SLC24A3: variants seen among roughly 807,000 people sequenced by gnomAD.
SLC24A3 encodes solute carrier family 24 member 3, also known as sodium/potassium/calcium exchanger 3.
SLC24A3 carries 28 observed loss-of-function variants against 75.8 expected under a neutral mutation model. That is an observed-to-expected ratio of 0.37 (90% CI 0.27 to 0.51). The LOEUF (loss-of-function observed/expected upper bound fraction) is 0.51, where lower values mean the gene tolerates loss of function less well. Ranked by LOEUF, SLC24A3 falls within the 20% of genes least tolerant of loss-of-function variation. The pLI, the probability that SLC24A3 is intolerant of heterozygous loss-of-function variation, is 0.94. For missense variants in SLC24A3, 663 were observed against 847.8 expected, an observed-to-expected ratio of 0.78 and a Z score of 2.71; for synonymous variants, 372 against 334.1, an observed-to-expected ratio of 1.11 and a Z score of -1.24.
Position 19,534,627 on chromosome 20 carries a change from G to A in SLC24A3, c.348+19063G>A, listed in dbSNP as rs552619619. 4.6e-5 allele frequency among the ~76,000 whole-genome samples: 7 copies of A among 152,248 alleles called. No homozygotes were observed. The East Asian group carries it at 7.7e-4, about 17-fold the overall frequency. ...AAGGTTTCCCCATGTTGGTCAGGCT[G>A]GTCTCAAGCTCCTGACCTCGTGATC... is the stretch of plus-strand genomic sequence containing the variant. On this transcript the variant is annotated intron_variant, in intron 3 of 16. Coordinates refer to ENST00000328041, the MANE Select transcript of SLC24A3 (RefSeq NM_020689.4).
chr20:19,571,266 G>A (rs538719257), intron 3 of SLC24A3, among the ~76,000 whole-genome samples: 1 of 152,266 alleles, frequency 6.6e-6, no homozygotes, highest in Admixed American at 6.5e-5. Flanking sequence ...CCTGTAGGGA[G>A]CACATCAGCA....
intron 3 of SLC24A3, among the ~76,000 whole-genome samples, chr20:19,531,687 C>A (rs1466621060): frequency 6.6e-6 from 1 of 152,142 alleles, no homozygotes; most frequent in Non-Finnish European, 1.5e-5. Context: ...GCTTTGGAAA[C>A]CAGTGATGCA....
intron 8 of SLC24A3, among the ~76,000 whole-genome samples, chr20:19,670,367 G>A (rs2032452313): frequency 6.6e-6 from 1 of 152,198 alleles, no homozygotes; most frequent in Non-Finnish European, 1.5e-5. Flanking sequence ...GTGTCTGAAA[G>A]CCAACAGAGC....
chr20:19,663,328 A>G (rs924633562), intron 7 of SLC24A3, among the ~76,000 whole-genome samples: 5 of 145,946 alleles, frequency 3.4e-5, no homozygotes, highest in Non-Finnish European at 7.5e-5. Flanking sequence ...GTCCTCTCAA[A>G]GGAGAAGGAT....
chr20:19,280,543 G>C (rs1983626980), intron 1 of SLC24A3, among the ~76,000 whole-genome samples: 2 of 152,148 alleles, frequency 1.3e-5, no homozygotes, highest in African/African-American at 2.4e-5. Flanking sequence ...GGGCAGCTTG[G>C]CATTGGCTAC....
chr20:19,490,790 G>A (rs1988198651), intron 2 of SLC24A3, among the ~76,000 whole-genome samples: 1 of 152,110 alleles, frequency 6.6e-6, no homozygotes, highest in Non-Finnish European at 1.5e-5. Context: ...GGCAAATGGG[G>A]ACTTATATCT....
chr20:19,493,068 C>G (rs942766376), intron 2 of SLC24A3, among the ~76,000 whole-genome samples: 1 of 152,244 alleles, frequency 6.6e-6, no homozygotes. Context: ...GCTTGTGAGG[C>G]TGCTGTGTAG....
At chr20:19,700,162 C>A (rs1156774000) in intron 15 of SLC24A3, among the ~76,000 whole-genome samples, 2 of 152,152 alleles carry the variant, frequency 1.3e-5, no homozygotes, top group Non-Finnish European at 2.9e-5. Flanking sequence ...ATAAGTGTTG[C>A]TAGCTACTGT....
intron 6 of SLC24A3, among the ~76,000 whole-genome samples, chr20:19,620,745 A>G (rs2031792433): frequency 6.6e-6 from 1 of 152,080 alleles, no homozygotes; most frequent in African/African-American, 2.4e-5. Flanking sequence ...CCTGGGAGAG[A>G]GATGAGAAAG....
At chr20:19,592,859 G>A (rs1002048470) in intron 6 of SLC24A3, among the ~76,000 whole-genome samples, 3 of 141,206 alleles carry the variant, frequency 2.1e-5, no homozygotes, top group East Asian at 2.1e-4. Context: ...GCAGTGGCAC[G>A]ATCTTGGCTC....
intron 2 of SLC24A3, among the ~76,000 whole-genome samples, chr20:19,497,503 G>A (rs1265730655): frequency 6.6e-6 from 1 of 152,174 alleles, no homozygotes; most frequent in East Asian, 1.9e-4. Flanking sequence ...GAAATGTAAT[G>A]CAATTCCACA....
intron 2 of SLC24A3, among the ~76,000 whole-genome samples, chr20:19,353,952 G>A (rs1985627241): frequency 6.6e-6 from 1 of 152,126 alleles, no homozygotes; most frequent in Non-Finnish European, 1.5e-5. Context: ...CCACCCTTAG[G>A]TATTTACCCA....
chr20:19,700,012 C>T (rs1568702886), intron 15 of SLC24A3, among the ~76,000 whole-genome samples: 1 of 152,140 alleles, frequency 6.6e-6, no homozygotes, highest in Non-Finnish European at 1.5e-5. Flanking sequence ...TGTAGCATCC[C>T]AAGGGTCACA....
intron 6 of SLC24A3, among the ~76,000 whole-genome samples, chr20:19,646,640 A>G (rs1003723778): frequency 2.6e-5 from 4 of 152,192 alleles, no homozygotes; most frequent in African/African-American, 9.7e-5. Flanking sequence ...GCATTTCACA[A>G]AGTGGGCACA....
chr20:19,324,627 C>A (rs1984794955), intron 2 of SLC24A3, among the ~76,000 whole-genome samples: 1 of 152,172 alleles, frequency 6.6e-6, no homozygotes, highest in African/African-American at 2.4e-5. Context: ...CATTTTTACC[C>A]ATCCGTATAA....
chr20:19,693,764 G>C, intron 13 of SLC24A3: 1 of 214,016 alleles, frequency 4.7e-6, no homozygotes, highest in Non-Finnish European at 9.4e-6. Flanking sequence ...TAGCTACCTG[G>C]GGTATGCTCT....
At chr20:19,431,649 C>T (rs747251128) in intron 2 of SLC24A3, among the ~76,000 whole-genome samples, 1 of 151,924 alleles carries the variant, frequency 6.6e-6, no homozygotes, top group Non-Finnish European at 1.5e-5. Context: ...GAGTCAGAAG[C>T]AGTAGCCCCA....
chr20:19,497,809 T>C (rs776748505), intron 2 of SLC24A3, among the ~76,000 whole-genome samples: 2 of 152,180 alleles, frequency 1.3e-5, no homozygotes, highest in Non-Finnish European at 2.9e-5. Flanking sequence ...TATTAAGAGT[T>C]GCTACTGTTT....
intron 2 of SLC24A3, among the ~76,000 whole-genome samples, chr20:19,328,865 C>A (rs1334160819): frequency 6.6e-6 from 1 of 152,138 alleles, no homozygotes; most frequent in Non-Finnish European, 1.5e-5. Flanking sequence ...CCCACAGGAG[C>A]AAGCGTAAGC....
Sources: gnomAD v4.1 joint callset for allele counts (sites outside exome capture counted in the v4.1 genomes callset) on GRCh38, gnomAD v4.1.1 for gene constraint, MANE v1.5 for transcripts, NCBI Gene and HGNC (gene_info 2026-07-23, HGNC 2026-07-21) for gene names.